The following PTPRM variants were observed in gnomAD, a reference collection of about 807,000 sequenced individuals.
PTPRM encodes receptor-type tyrosine-protein phosphatase mu.
Under a neutral mutation model 186.7 loss-of-function variants are expected in PTPRM, and 47 were observed. The observed-to-expected ratio is 0.25, with a 90% CI of 0.20 to 0.32. The LOEUF is 0.32. PTPRM is among the 10% of genes least tolerant of loss of function. PTPRM has a pLI of 1.00. For synonymous variants in PTPRM, 668 were observed against 674.9 expected, an observed-to-expected ratio of 0.99 and a Z score of 0.16; for missense variants, 1,494 against 1,865.0, an observed-to-expected ratio of 0.80 and a Z score of 3.66.
intron 1 of PTPRM, among the ~76,000 whole-genome samples, chr18:7,576,543 AT>A (rs1210843827): frequency 6.6e-6 from 1 of 152,052 alleles, no homozygotes. Flanking sequence ...ATCACTGATC[AT>A]GGCTCAATGT....
chr18:7,660,121 G>A lies in PTPRM; in HGVS notation c.73+92230G>A, dbSNP rs185811612. On this transcript the variant is annotated intron_variant, in intron 1 of 32. Transcript: ENST00000580170. ...TTTGGGAGGCTGAGATAGATCACTT[G>A]AGGTCAGTAGTTCAAGACCAGCCTG... 1.3e-4 allele frequency among the ~76,000 whole-genome samples: 20 copies of A among 152,244 alleles called. No homozygotes were observed. In the East Asian group the frequency reaches 3.9e-3, roughly 29 times the overall value.
intron 1 of PTPRM, among the ~76,000 whole-genome samples, chr18:7,669,573 AT>A (rs2144470463): frequency 6.6e-6 from 1 of 152,262 alleles, no homozygotes; most frequent in East Asian, 1.9e-4. Flanking sequence ...AGCAGAAGAA[AT>A]TTTTGGAAGA....
chr18:8,257,495 A>G (rs2094585373), intron 19 of PTPRM, among the ~76,000 whole-genome samples: 1 of 152,234 alleles, frequency 6.6e-6, no homozygotes, highest in Non-Finnish European at 1.5e-5. Flanking sequence ...TGTATGAGGC[A>G]CACAGGCAAT....
intron 1 of PTPRM, among the ~76,000 whole-genome samples, chr18:7,756,300 C>G (rs1456767022): frequency 6.6e-6 from 1 of 152,194 alleles, no homozygotes; most frequent in Non-Finnish European, 1.5e-5. Flanking sequence ...CTTCTGTAAA[C>G]ATGCCTAGTG....
At chr18:7,637,992 G>A (rs1445268016) in intron 1 of PTPRM, among the ~76,000 whole-genome samples, 2 of 152,156 alleles carry the variant, frequency 1.3e-5, no homozygotes, top group Non-Finnish European at 2.9e-5. Flanking sequence ...GAAACAGGTA[G>A]TTAAAGTTCT....
At chr18:8,296,746 T>G (rs1269249187) in intron 20 of PTPRM, among the ~76,000 whole-genome samples, 1 of 152,128 alleles carries the variant, frequency 6.6e-6, no homozygotes, top group East Asian at 1.9e-4. Context: ...AACATTATAG[T>G]CCTAATGGTT....
At chr18:7,632,032 T>C (rs2038204009) in intron 1 of PTPRM, among the ~76,000 whole-genome samples, 1 of 152,252 alleles carries the variant, frequency 6.6e-6, no homozygotes, top group Non-Finnish European at 1.5e-5. Flanking sequence ...AACTGTGATA[T>C]AGTGTTCTAT....
At chr18:8,070,051 T>A in intron 8 of PTPRM, 57 bp downstream of exon 8, 1 of 1,470,974 alleles carries the variant, frequency 6.8e-7, no homozygotes, top group Admixed American at 2.0e-5. Flanking sequence ...AAAACAACTT[T>A]TGTTTCGAGA....
At chr18:7,775,523 C>T (rs1046399201) in intron 2 of PTPRM, among the ~76,000 whole-genome samples, 7 of 152,014 alleles carry the variant, frequency 4.6e-5, no homozygotes, top group African/African-American at 1.7e-4. Context: ...AGGTGTCTTC[C>T]CCTGATGGCC....
chr18:8,388,966 A>G (rs2095795040), intron 31 of PTPRM, among the ~76,000 whole-genome samples: 2 of 151,178 alleles, frequency 1.3e-5, no homozygotes, highest in African/African-American at 4.9e-5. Context: ...ATCTCAAAGA[A>G]AAGAAAAAAA....
intron 13 of PTPRM, among the ~76,000 whole-genome samples, chr18:8,123,606 A>G (rs777780841): frequency 9.2e-5 from 14 of 152,240 alleles, no homozygotes; most frequent in South Asian, 4.1e-4. Flanking sequence ...TCTTTTCCTG[A>G]TTGAAGTTCT....
chr18:7,805,121 T>G (rs2044168762), intron 2 of PTPRM, among the ~76,000 whole-genome samples: 1 of 152,274 alleles, frequency 6.6e-6, no homozygotes, highest in Admixed American at 6.5e-5. Context: ...TCAGAGGTGC[T>G]GCTGTTTACT....
intron 1 of PTPRM, among the ~76,000 whole-genome samples, chr18:7,731,491 A>T (rs1256563750): frequency 1.3e-5 from 2 of 152,172 alleles, no homozygotes; most frequent in Non-Finnish European, 2.9e-5. Context: ...GGGCACCTGA[A>T]GATCTAATTT....
At chr18:7,610,087 A>G (rs924795000) in intron 1 of PTPRM, among the ~76,000 whole-genome samples, 1 of 152,192 alleles carries the variant, frequency 6.6e-6, no homozygotes, top group Non-Finnish European at 1.5e-5. Context: ...GACAACACCT[A>G]TTGGGCATTT....
Position 8,248,172 on chromosome 18 carries a change from T to A in PTPRM, c.2550T>A (p.Ile850=). 1.3e-6 allele frequency: 2 copies of A among 1,531,552 alleles called. No individual in the cohort carries two copies. 94.9% of individuals were successfully genotyped at this position (1,531,552 alleles called of 1,614,324 possible). A position where few individuals can be genotyped will look rare whatever the true frequency, so the allele number is the denominator to read the frequency against. ...CAGACCCATTTGTGCCAACTGCAAT[T>A]TTAGGTGAGAACATTTCCCTTTACC... ...YYPDPFVPTA[I]LVPINDETHT... Residue 850 remains isoleucine, a synonymous_variant, in exon 17 of 33, where the codon ATT becomes ATA. Coordinates refer to ENST00000580170, the MANE Select transcript of PTPRM (RefSeq NM_001105244.2).
At chr18:7,892,268 T>C (rs2049120341) in intron 3 of PTPRM, among the ~76,000 whole-genome samples, 1 of 152,220 alleles carries the variant, frequency 6.6e-6, no homozygotes. Context: ...TAGCGTGGCC[T>C]TGGCTGCAGT....
chr18:8,122,151 A>ATAC (rs1391475000), intron 13 of PTPRM: 1 of 152,202 alleles, frequency 6.6e-6, no homozygotes, highest in African/African-American at 2.4e-5. Context: ...ACAATTTGAT[A>ATAC]TACTGATGGG....
At chr18:8,064,515 T>C (rs1335194749) in intron 7 of PTPRM, among the ~76,000 whole-genome samples, 3 of 152,226 alleles carry the variant, frequency 2.0e-5, no homozygotes, top group South Asian at 4.1e-4. Context: ...TTTTTTGATT[T>C]TTGTTATGAT....
intron 5 of PTPRM, among the ~76,000 whole-genome samples, chr18:7,940,614 G>A (rs1401036719): frequency 6.6e-6 from 1 of 152,008 alleles, no homozygotes; most frequent in Non-Finnish European, 1.5e-5. Flanking sequence ...TGAGTCAGCC[G>A]GCACAGTGGT....
Sources: gnomAD v4.1 joint callset for allele counts (sites outside exome capture counted in the v4.1 genomes callset) on GRCh38, gnomAD v4.1.1 for gene constraint, MANE v1.5 for transcripts, NCBI Gene and HGNC (gene_info 2026-07-23, HGNC 2026-07-21) for gene names.